Variants in COL22A1 observed in about 807,000 individuals in gnomAD.
COL22A1 encodes collagen type XXII alpha 1 chain, also known as collagen alpha-1(XXII) chain.
COL22A1 carries 221 observed loss-of-function variants against 248.9 expected under a neutral mutation model. The observed-to-expected ratio is 0.89, with a 90% confidence interval of 0.80 to 0.99. The LOEUF is 0.99. Among genes scored for constraint, COL22A1 ranks in the 50% least tolerant of loss-of-function variants. COL22A1 has a pLI of 0.00. For missense variants in COL22A1, 2,240 were observed against 2,179.0 expected, an observed-to-expected ratio of 1.03 and a Z score of -0.56; for synonymous variants, 891 against 793.4, an observed-to-expected ratio of 1.12 and a Z score of -2.07.
intron 1 of COL22A1, among the ~76,000 whole-genome samples, chr8:138,885,200 A>G (rs1160716128): frequency 1.3e-5 from 2 of 151,950 alleles, no homozygotes; most frequent in Non-Finnish European, 2.9e-5. Context: ...CTCACCCTGC[A>G]CTCTATCCAG....
intron 10 of COL22A1, among the ~76,000 whole-genome samples, chr8:138,805,006 GGTGTGTGGTGGTGTGTGTGTGATAGT>G (rs1817362178): frequency 7.0e-6 from 1 of 142,370 alleles, no homozygotes; most frequent in African/African-American, 2.6e-5. Context: ...TGTAGGCAAT[GGTGTGTGGTGGTGTGTGTGTGATAGT>G]GTGTGTGATG....
chr8:138,598,671 C>A (rs748025879), intron 61 of COL22A1, 48 bp downstream of exon 61: 2 of 1,559,908 alleles, frequency 1.3e-6, no homozygotes, highest in Non-Finnish European at 1.7e-6. Flanking sequence ...CTGGCTCCCC[C>A]TTAGGCCCCG....
At chr8:138,907,008 A>C (rs1016517895) in intron 1 of COL22A1, among the ~76,000 whole-genome samples, 2 of 152,204 alleles carry the variant, frequency 1.3e-5, no homozygotes, top group Non-Finnish European at 2.9e-5. Context: ...GAAATGGCCT[A>C]GATGCTACCA....
intron 22 of COL22A1, among the ~76,000 whole-genome samples, chr8:138,746,670 C>T (rs1217961041): frequency 1.3e-5 from 2 of 152,238 alleles, no homozygotes; most frequent in African/African-American, 4.8e-5. Context: ...CTCTGTGTTG[C>T]TCTGCACCCT....
chr8:138,600,204 T>G (rs1357536702), intron 60 of COL22A1, among the ~76,000 whole-genome samples: 1 of 152,176 alleles, frequency 6.6e-6, no homozygotes, highest in Non-Finnish European at 1.5e-5. Flanking sequence ...GACCAGCAAG[T>G]TCAAATGATT....
intron 5 of COL22A1, among the ~76,000 whole-genome samples, chr8:138,828,639 G>A (rs536253632): frequency 1.3e-4 from 19 of 151,786 alleles, no homozygotes; most frequent in African/African-American, 4.1e-4. Flanking sequence ...TCTTCCTCAC[G>A]AGAATCTATA....
chr8:138,750,925 C>T (rs935089876), intron 22 of COL22A1, among the ~76,000 whole-genome samples: 5 of 152,126 alleles, frequency 3.3e-5, no homozygotes, highest in South Asian at 2.1e-4. Flanking sequence ...TCAGAAAGTA[C>T]GGCATTGTTT....
At chr8:138,863,188 C>A (rs1822617369) in intron 3 of COL22A1, among the ~76,000 whole-genome samples, 1 of 152,204 alleles carries the variant, frequency 6.6e-6, no homozygotes, top group South Asian at 2.1e-4. Flanking sequence ...TTGCAGATGC[C>A]TAAGGCCACT....
At chr8:138,709,958 G>T (rs948832218) in intron 30 of COL22A1, among the ~76,000 whole-genome samples, 1 of 152,142 alleles carries the variant, frequency 6.6e-6, no homozygotes, top group African/African-American at 2.4e-5. Context: ...ATGCCAGCAG[G>T]CCCTGCCCCA....
intron 56 of COL22A1, among the ~76,000 whole-genome samples, chr8:138,610,365 C>G (rs1818761478): frequency 6.6e-6 from 1 of 152,182 alleles, no homozygotes; most frequent in African/African-American, 2.4e-5. Context: ...GCCACACATA[C>G]ATTCGCAATC....
intron 7 of COL22A1, among the ~76,000 whole-genome samples, chr8:138,817,302 G>A (rs554731395): frequency 1.2e-4 from 18 of 152,276 alleles, no homozygotes; most frequent in African/African-American, 3.1e-4. Context: ...TCTGGAGCCC[G>A]TCAAGAATAT....
chr8:138,676,673 C>T (rs1825583045), intron 40 of COL22A1, 38 bp from the exon 41 acceptor site: 1 of 1,425,532 alleles, frequency 7.0e-7, no homozygotes, highest in Non-Finnish European at 9.7e-7. Flanking sequence ...GAGGTCAGTG[C>T]CAGGAAGGAG....
intron 50 of COL22A1, among the ~76,000 whole-genome samples, chr8:138,626,579 C>A (rs1820258139): frequency 6.6e-6 from 1 of 152,198 alleles, no homozygotes; most frequent in Admixed American, 6.5e-5. Flanking sequence ...CCAGATCCAA[C>A]TCTGTATTTG....
chr8:138,813,468 G>T (rs534172850), intron 7 of COL22A1, among the ~76,000 whole-genome samples: 1 of 152,206 alleles, frequency 6.6e-6, no homozygotes, highest in African/African-American at 2.4e-5. Flanking sequence ...TGCCATGACT[G>T]TGAGGCCTCC....
chr8:138,745,190 C>CTT (rs113552748), intron 22 of COL22A1, among the ~76,000 whole-genome samples: 18 of 146,678 alleles, frequency 1.2e-4, no homozygotes, highest in African/African-American at 3.5e-4. Context: ...ACCAACTTTT[C>CTT]TTTTTTTTTT....
At chr8:138,685,629 A>G (rs1159023781) in intron 37 of COL22A1, among the ~76,000 whole-genome samples, 1 of 152,170 alleles carries the variant, frequency 6.6e-6, no homozygotes, top group Admixed American at 6.5e-5. Flanking sequence ...TCTTTTAAAG[A>G]AGGAAGCATT....
chr8:138,902,611 C>T (rs1814668895), intron 1 of COL22A1, among the ~76,000 whole-genome samples: 1 of 151,284 alleles, frequency 6.6e-6, no homozygotes, highest in African/African-American at 2.4e-5. Flanking sequence ...GAGGTTGAGG[C>T]AAGAGAATGG....
At chr8:138,754,494 A>G (rs2131357400) in intron 21 of COL22A1, among the ~76,000 whole-genome samples, 1 of 152,368 alleles carries the variant, frequency 6.6e-6, no homozygotes, top group Non-Finnish European at 1.5e-5. Context: ...TAAGTCAGTT[A>G]TTTTATTCCT....
At chr8:138,733,430 C>T (rs890658373) in intron 23 of COL22A1, among the ~76,000 whole-genome samples, 9 of 152,198 alleles carry the variant, frequency 5.9e-5, no homozygotes, top group Non-Finnish European at 7.3e-5. Context: ...CTTCCCATAA[C>T]GCAAAGCTAA....
Sources: gnomAD v4.1 joint callset for allele counts (sites outside exome capture counted in the v4.1 genomes callset) on GRCh38, gnomAD v4.1.1 for gene constraint, MANE v1.5 for transcripts, NCBI Gene and HGNC (gene_info 2026-07-23, HGNC 2026-07-21) for gene names.